The following ANK3 variants were observed in gnomAD, a reference collection of about 807,000 sequenced individuals.
ANK3 encodes ankyrin 3, also known as ankyrin-3.
In ANK3, 57 loss-of-function variants were observed where a neutral mutation model predicts 370.9. That is an observed-to-expected ratio of 0.15 (90% CI 0.12 to 0.19). ANK3 has a LOEUF of 0.19. Ranked by LOEUF, ANK3 falls within the 10% of genes least tolerant of loss-of-function variation. The probability of loss-of-function intolerance (pLI) is 1.00; values close to 1 mark genes in which losing one functional copy is unlikely to be tolerated. For missense variants in ANK3, 4,439 were observed against 5,302.1 expected, an observed-to-expected ratio of 0.84 and a Z score of 5.06; for synonymous variants, 1,929 against 1,946.3, an observed-to-expected ratio of 0.99 and a Z score of 0.23.
At chr10:60,151,431 A>T (rs1252782914) in intron 23 of ANK3, among the ~76,000 whole-genome samples, 1 of 152,168 alleles carries the variant, frequency 6.6e-6, no homozygotes, top group Non-Finnish European at 1.5e-5. Flanking sequence ...TTTAAGATTC[A>T]TTCATACTGT....
chr10:60,532,072 T>A (rs1247054265), intron 2 of ANK3, among the ~76,000 whole-genome samples: 1 of 152,136 alleles, frequency 6.6e-6, no homozygotes, highest in Admixed American at 6.6e-5. Flanking sequence ...AACACAGGAA[T>A]GAATATTGTT....
At chr10:60,492,602 G>A (rs2075538569) in intron 2 of ANK3, among the ~76,000 whole-genome samples, 1 of 151,060 alleles carries the variant, frequency 6.6e-6, no homozygotes, top group Non-Finnish European at 1.5e-5. Context: ...AGCTACTTGG[G>A]AGGCTGAGGC....
At chr10:60,420,622 C>T (rs1053096495) in intron 2 of ANK3, among the ~76,000 whole-genome samples, 1 of 151,980 alleles carries the variant, frequency 6.6e-6, no homozygotes, top group Non-Finnish European at 1.5e-5. Context: ...AGTATTGTGC[C>T]TTGAATTAGT....
At chr10:60,230,228 C>T (rs1463623453) in intron 8 of ANK3, among the ~76,000 whole-genome samples, 1 of 152,110 alleles carries the variant, frequency 6.6e-6, no homozygotes, top group African/African-American at 2.4e-5. Context: ...CCATCCACTG[C>T]AAAGTATCTT....
At chr10:60,398,128 G>T (rs989051101) in intron 2 of ANK3, among the ~76,000 whole-genome samples, 1 of 152,164 alleles carries the variant, frequency 6.6e-6, no homozygotes, top group Admixed American at 6.5e-5. Context: ...ATATGTAAGG[G>T]TATCAAAATG....
chr10:60,062,887 T>A (rs1389562618), intron 40 of ANK3: 1 of 360,398 alleles, frequency 2.8e-6, no homozygotes, highest in South Asian at 8.6e-5. Context: ...ACCTTAGGCG[T>A]TCATACGTCA....
At chr10:60,581,695 C>T (rs1490449994) in intron 2 of ANK3, among the ~76,000 whole-genome samples, 1 of 151,984 alleles carries the variant, frequency 6.6e-6, no homozygotes, top group African/African-American at 2.4e-5. Context: ...GCCTCGGCCT[C>T]CCAAAGTGCT....
intron 1 of ANK3, among the ~76,000 whole-genome samples, chr10:60,362,334 C>T (rs987310956): frequency 6.6e-6 from 1 of 152,128 alleles, no homozygotes; most frequent in African/African-American, 2.4e-5. Flanking sequence ...GAATTATATG[C>T]CTATTCAGAC....
chr10:60,104,739 C>T (rs1374824377), intron 28 of ANK3, among the ~76,000 whole-genome samples: 1 of 152,144 alleles, frequency 6.6e-6, no homozygotes, highest in Admixed American at 6.5e-5. Flanking sequence ...TTATACCAAA[C>T]CTTTGGCATG....
intron 23 of ANK3, among the ~76,000 whole-genome samples, chr10:60,141,815 C>G (rs1453337267): frequency 1.3e-5 from 2 of 151,940 alleles, no homozygotes; most frequent in Admixed American, 6.6e-5. Flanking sequence ...ATGCATGATT[C>G]ATATAATATT....
chr10:60,395,625 T>G (rs200296715), intron 2 of ANK3, among the ~76,000 whole-genome samples: 14 of 34,034 alleles, frequency 4.1e-4, no homozygotes, highest in Non-Finnish European at 6.6e-4. Flanking sequence ...TCGTTCTCTC[T>G]CTCTCTCTCT....
intron 2 of ANK3, among the ~76,000 whole-genome samples, chr10:60,542,124 A>AT (rs937855251): frequency 7.3e-5 from 11 of 151,544 alleles, no homozygotes; most frequent in Non-Finnish European, 1.6e-4. Flanking sequence ...TTTGGCTGTA[A>AT]TTTTTTTTAA....
At chr10:60,387,110 A>G (rs2062478404) in intron 1 of ANK3, among the ~76,000 whole-genome samples, 2 of 151,976 alleles carry the variant, frequency 1.3e-5, no homozygotes, top group Non-Finnish European at 2.9e-5. Context: ...CAGTGAGCCG[A>G]GATCATGCCA....
chr10:60,435,299 T>C (rs1178249823), intron 2 of ANK3, among the ~76,000 whole-genome samples: 1 of 152,224 alleles, frequency 6.6e-6, no homozygotes, highest in Non-Finnish European at 1.5e-5. Context: ...ATATTTTACA[T>C]TGGAAATAAT....
At chr10:60,447,495 T>C (rs1459058150) in intron 2 of ANK3, among the ~76,000 whole-genome samples, 3 of 152,096 alleles carry the variant, frequency 2.0e-5, no homozygotes, top group Non-Finnish European at 1.5e-5. Context: ...ACTCCAGTAG[T>C]AAAAGCATCT....
At chr10:60,567,161 A>T (rs1472091079) in intron 2 of ANK3, among the ~76,000 whole-genome samples, 1 of 152,212 alleles carries the variant, frequency 6.6e-6, no homozygotes, top group Non-Finnish European at 1.5e-5. Context: ...AGTGTAGGCA[A>T]GACAGCCCTA....
At chr10:60,565,450 C>G (rs1161713348) in intron 2 of ANK3, among the ~76,000 whole-genome samples, 2 of 152,190 alleles carry the variant, frequency 1.3e-5, no homozygotes, top group African/African-American at 4.8e-5. Context: ...GTCCACGTCA[C>G]AGGGGTTGGG....
chr10:60,672,066 G>A lies in ANK3; in HGVS notation c.58-56842C>T, dbSNP rs564318393. On this transcript the variant is annotated intron_variant, in intron 1 of 43. Transcript: ENST00000373827. ...TAATAAATACTTATTGTTCTAAGCCGCTAAGTGTTGGTGTAATTTGTTACT... is the reference window on the plus strand; with the variant it reads ...TAATAAATACTTATTGTTCTAAGCCACTAAGTGTTGGTGTAATTTGTTACT... Among the ~76,000 whole-genome samples, 12 of 152,324 alleles carry A rather than the reference G, an allele frequency of 7.9e-5. No individual in the cohort carries two copies. In the South Asian group the frequency reaches 1.7e-3, roughly 21 times the overall value.
At chr10:60,413,986 G>A (rs2063610662) in intron 2 of ANK3, among the ~76,000 whole-genome samples, 1 of 152,132 alleles carries the variant, frequency 6.6e-6, no homozygotes, top group South Asian at 2.1e-4. Context: ...GACAGAGTGA[G>A]ACCCTATCTC....
Sources: allele counts gnomAD v4.1 joint callset (sites outside exome capture counted in the v4.1 genomes callset), GRCh38; gene constraint gnomAD v4.1.1; transcripts MANE v1.5; gene names NCBI Gene and HGNC (gene_info 2026-07-23, HGNC 2026-07-21).